The following SNTG1 variants were observed in gnomAD, a reference collection of about 807,000 sequenced individuals.
SNTG1 encodes syntrophin gamma 1.
SNTG1 carries 39 observed loss-of-function variants against 74.7 expected under a neutral mutation model. The observed-to-expected ratio is 0.52, with a 90% CI of 0.40 to 0.68. The LOEUF (loss-of-function observed/expected upper bound fraction) is 0.68, where lower values mean the gene tolerates loss of function less well. Among genes scored for constraint, SNTG1 ranks in the 30% least tolerant of loss-of-function variants. The probability of loss-of-function intolerance (pLI) is 0.00; values close to 1 mark genes in which losing one functional copy is unlikely to be tolerated. For missense variants in SNTG1, 685 were observed against 609.5 expected, an observed-to-expected ratio of 1.12 and a Z score of -1.30; for synonymous variants, 254 against 217.1, an observed-to-expected ratio of 1.17 and a Z score of -1.49.
intron 18 of SNTG1, among the ~76,000 whole-genome samples, chr8:50,780,963 C>T (rs1218033238): frequency 1.3e-5 from 2 of 152,000 alleles, no homozygotes; most frequent in East Asian, 1.9e-4. Flanking sequence ...CATTACGTAC[C>T]GAGTAGTCAT....
chr8:50,138,801 G>A (rs2081564841), intron 1 of SNTG1, among the ~76,000 whole-genome samples: 1 of 151,814 alleles, frequency 6.6e-6, no homozygotes, highest in Admixed American at 6.6e-5. Flanking sequence ...AAAAATCCTT[G>A]GGTAAGATAT....
chr8:50,143,186 T>C (rs751806696), intron 1 of SNTG1, among the ~76,000 whole-genome samples: 4 of 152,198 alleles, frequency 2.6e-5, no homozygotes, highest in Admixed American at 6.5e-5. Context: ...CCTGACAGAA[T>C]GTTCCATGTG....
intron 17 of SNTG1, among the ~76,000 whole-genome samples, chr8:50,748,034 T>C (rs2095559101): frequency 6.6e-6 from 1 of 152,046 alleles, no homozygotes; most frequent in African/African-American, 2.4e-5. Context: ...CACACTTTAT[T>C]GAGTTGAAGG....
chr8:50,568,249 G>GTGTGTGTGTGTGTGTT, intron 12 of SNTG1, among the ~76,000 whole-genome samples: 1 of 152,034 alleles, frequency 6.6e-6, no homozygotes, highest in Non-Finnish European at 1.5e-5. Flanking sequence ...GTGTGTGTGT[G>GTGTGTGTGTGTGTGTT]TGTGCTATCT....
At chr8:50,527,495 A>T (rs1026891350) in intron 9 of SNTG1, among the ~76,000 whole-genome samples, 2 of 152,064 alleles carry the variant, frequency 1.3e-5, no homozygotes, top group African/African-American at 4.8e-5. Context: ...CATAAGAATC[A>T]ATTATGTGTG....
At chr8:50,519,251 A>T (rs1463373225) in intron 9 of SNTG1, among the ~76,000 whole-genome samples, 1 of 152,172 alleles carries the variant, frequency 6.6e-6, no homozygotes, top group South Asian at 2.1e-4. Flanking sequence ...ATAAAACTCA[A>T]CACCCTTTTA....
At chr8:49,965,558 T>C (rs1811063403) in intron 1 of SNTG1, among the ~76,000 whole-genome samples, 1 of 152,158 alleles carries the variant, frequency 6.6e-6, no homozygotes, top group South Asian at 2.1e-4. Flanking sequence ...ACCAGGACAA[T>C]AGTCTCTAGG....
In SNTG1 at chr8:50,349,775, A is replaced by G. The variant is rs142563064; in HGVS notation, c.-27-44437A>G. On this transcript the variant is annotated intron_variant, in intron 2 of 18. Transcript: ENST00000642720. ...TGTGCTGGCAGCCCTCGCAGCCCTC[A>G]CTTGCTCTCAGCACCTCCTCTGCCT... 5.6e-3 allele frequency among the ~76,000 whole-genome samples: 848 copies of G among 152,264 alleles called. 11 individuals are homozygous for G. Among genetic ancestry groups the G allele is most frequent in the African/African-American group, 0.018 (758 of 41,546 alleles).
At chr8:50,398,259 A>ATGTATGGC (rs1364161107) in intron 3 of SNTG1, among the ~76,000 whole-genome samples, 1 of 152,218 alleles carries the variant, frequency 6.6e-6, no homozygotes, top group Non-Finnish European at 1.5e-5. Context: ...GCTCACATTT[A>ATGTATGGC]TGTATGGCGT....
chr8:49,985,748 T>C (rs1235494107), intron 1 of SNTG1, among the ~76,000 whole-genome samples: 2 of 152,198 alleles, frequency 1.3e-5, no homozygotes, highest in African/African-American at 4.8e-5. Flanking sequence ...TTTGGTGGCA[T>C]ATTCTCTCAT....
intron 18 of SNTG1, among the ~76,000 whole-genome samples, chr8:50,761,228 A>G (rs2095597940): frequency 6.6e-6 from 1 of 152,006 alleles, no homozygotes; most frequent in Non-Finnish European, 1.5e-5. Flanking sequence ...TACACAAATC[A>G]ATAAACGTTA....
At chr8:50,549,838 A>G (rs1351801564) in intron 11 of SNTG1, among the ~76,000 whole-genome samples, 1 of 152,112 alleles carries the variant, frequency 6.6e-6, no homozygotes, top group African/African-American at 2.4e-5. Context: ...GTTTAGCCCA[A>G]TAGGGTGGAG....
chr8:50,103,059 A>G (rs1283192430), intron 1 of SNTG1, among the ~76,000 whole-genome samples: 3 of 151,910 alleles, frequency 2.0e-5, no homozygotes, highest in African/African-American at 7.3e-5. Context: ...TTTTGGTTCC[A>G]TATGAACTTG....
chr8:50,271,424 T>A (rs2087773561), intron 2 of SNTG1, among the ~76,000 whole-genome samples: 1 of 152,292 alleles, frequency 6.6e-6, no homozygotes, highest in Admixed American at 6.5e-5. Flanking sequence ...AAATATTTTA[T>A]TTTGGCATCT....
chr8:49,965,619 T>C (rs1173024881), intron 1 of SNTG1, among the ~76,000 whole-genome samples: 1 of 152,196 alleles, frequency 6.6e-6, no homozygotes, highest in East Asian at 1.9e-4. Context: ...AGCTGCTTAA[T>C]GTGGTTGTTG....
chr8:50,537,966 A>G (rs2094319574), intron 11 of SNTG1, among the ~76,000 whole-genome samples: 1 of 152,180 alleles, frequency 6.6e-6, no homozygotes, highest in Admixed American at 6.6e-5. Flanking sequence ...CTCTTAATAT[A>G]TGTAGTCAGA....
At chr8:50,562,917 G>A (rs1425137641) in intron 12 of SNTG1, among the ~76,000 whole-genome samples, 1 of 152,180 alleles carries the variant, frequency 6.6e-6, no homozygotes, top group East Asian at 1.9e-4. Context: ...GAGAAACAAT[G>A]ATCAGAATCG....
intron 1 of SNTG1, among the ~76,000 whole-genome samples, chr8:49,942,112 A>G (rs759355224): frequency 6.6e-6 from 1 of 152,208 alleles, no homozygotes; most frequent in Non-Finnish European, 1.5e-5. Context: ...CAATCTGAAC[A>G]TTAGTAGAGA....
At chr8:50,621,903 T>C (rs774924238) in intron 13 of SNTG1, among the ~76,000 whole-genome samples, 1 of 152,218 alleles carries the variant, frequency 6.6e-6, no homozygotes, top group Non-Finnish European at 1.5e-5. Flanking sequence ...GAGTCATATA[T>C]CTCTGATTTC....
Sources: allele counts gnomAD v4.1 joint callset (sites outside exome capture counted in the v4.1 genomes callset), GRCh38; gene constraint gnomAD v4.1.1; transcripts MANE v1.5; gene names NCBI Gene and HGNC (gene_info 2026-07-23, HGNC 2026-07-21).